RPS6KA6: variants seen among roughly 807,000 people sequenced by gnomAD.
The protein encoded by RPS6KA6 is ribosomal protein S6 kinase A6, also known as ribosomal protein S6 kinase alpha-6.
In RPS6KA6, 27 loss-of-function variants were observed where a neutral mutation model predicts 65.4. That is an observed-to-expected ratio of 0.41 (90% CI 0.30 to 0.57). The LOEUF is 0.57. Among genes scored for constraint, RPS6KA6 ranks in the 20% least tolerant of loss-of-function variants. RPS6KA6 has a pLI of 0.24. For missense variants in RPS6KA6, 486 were observed against 555.6 expected (o/e 0.87, Z 1.26); for synonymous variants, 190 against 184.2 (o/e 1.03, Z -0.26).
chrX:84,165,708 ATC>A (rs965627589), intron 1 of RPS6KA6, among the ~76,000 whole-genome samples: 6 of 111,213 alleles, frequency 5.4e-5, no homozygotes, highest in African/African-American at 1.3e-4. Context: ...TCAAGAGAAA[ATC>A]TCTCTCTCTG....
intron 3 of RPS6KA6, among the ~76,000 whole-genome samples, chrX:84,151,180 C>A (rs1355250908): frequency 7.4e-4 from 66 of 89,112 alleles, no homozygotes; most frequent in African/African-American, 2.1e-3. Context: ...ATATATATAG[C>A]TATATAGGAT....
At chrX:84,153,296 T>C (rs1271706912) in intron 3 of RPS6KA6, among the ~76,000 whole-genome samples, 1 of 111,861 alleles carries the variant, frequency 8.9e-6, no homozygotes, top group African/African-American at 3.2e-5. Flanking sequence ...AATGTATGTT[T>C]TATATAAATA....
chrX:84,180,529 AGTT>A (rs1225322771), intron 1 of RPS6KA6, among the ~76,000 whole-genome samples: 43 of 111,854 alleles, frequency 3.8e-4, no homozygotes, highest in Admixed American at 3.8e-4. Flanking sequence ...TCTTTATTAT[AGTT>A]ACATAGTAAA....
intron 20 of RPS6KA6, among the ~76,000 whole-genome samples, chrX:84,075,302 TAAA>T (rs1485621161): frequency 9.0e-6 from 1 of 111,207 alleles, no homozygotes; most frequent in Non-Finnish European, 1.9e-5. Context: ...TGTGAGATAA[TAAA>T]TAATGAAACT....
Position 84,145,530 on chromosome X carries a change from A to G in RPS6KA6, c.449T>C (p.Leu150Ser). The G allele has an allele frequency of 8.7e-7, 1 of 1,148,067 alleles. No homozygotes were observed. The allele number at this position is 1,148,067 out of a possible 1,213,427, so 94.6% of individuals were successfully genotyped here. A position where few individuals can be genotyped will look rare whatever the true frequency, so the allele number is the denominator to read the frequency against. Reference sequence around the variant, plus strand: ...TCCTCCCCTGAGAAAATCCAGTATTAAGTACAGTTTCCCTTCAGTCTGAAA... The same window carrying G: ...TCCTCCCCTGAGAAAATCCAGTATTGAGTACAGTTTCCCTTCAGTCTGAAA... ...YAFQTEGKLY[L>S]ILDFLRGGDV... Residue 150 changes from leucine (L) to serine (S), a missense_variant, in exon 6 of 22, where the codon TTA becomes TCA. Physicochemically the swap from Leu to Ser is moderately radical, Grantham distance 145. Transcript: ENST00000262752.
rs1402801647 is a variant in RPS6KA6, at chrX:84,058,988, A to T, written c.*5289T>A. On this transcript the variant is annotated 3_prime_UTR_variant, in exon 22 of 22. Transcript: ENST00000262752. Reference sequence around the variant, plus strand: ...GTTTTTTTTTTTTTTTATCAAACAGAAAAACCACCTTCTCCTTTTTTTTGT... The same window carrying T: ...GTTTTTTTTTTTTTTTATCAAACAGTAAAACCACCTTCTCCTTTTTTTTGT... The T allele has an allele frequency of 9.2e-6, 1 of 108,530 alleles. No individual in the cohort carries two copies. The highest frequency in any genetic ancestry group is 1.9e-5 in the Non-Finnish European group (1 of 52,316). The allele number at this position is 108,530 out of a possible 1,213,427, so 8.9% of individuals were successfully genotyped here.
chrX:84,135,961 A>T (rs774762720), intron 6 of RPS6KA6, among the ~76,000 whole-genome samples: 5 of 111,958 alleles, frequency 4.5e-5, no homozygotes, highest in Middle Eastern at 4.6e-3. Flanking sequence ...TCAGTTTCTA[A>T]ATCTGTGAAA....
chrX:84,093,037 G>A (rs1457272928), intron 20 of RPS6KA6, among the ~76,000 whole-genome samples: 3 of 112,208 alleles, frequency 2.7e-5, no homozygotes, highest in East Asian at 2.8e-4. Context: ...TTGTGGCAAC[G>A]TGGATTAACC....
chrX:84,071,355 C>T (rs923655038), intron 20 of RPS6KA6, among the ~76,000 whole-genome samples: 1 of 111,306 alleles, frequency 9.0e-6, no homozygotes, highest in African/African-American at 3.3e-5. Context: ...CTGTTTCCAC[C>T]CGCCAAAATG....
At chrX:84,140,386 A>C (rs147965039) in intron 6 of RPS6KA6, among the ~76,000 whole-genome samples, 6,733 of 110,705 alleles carry the variant, frequency 0.061, 226 homozygotes, top group East Asian at 0.2. Flanking sequence ...CAGAAATACA[A>C]AAATGTTCAT....
chrX:84,187,918 C>CAT lies in RPS6KA6; in HGVS notation c.-20_-19insAT. On this transcript the variant is annotated 5_prime_UTR_variant, in exon 1 of 22. In the 5' UTR this introduces an upstream ATG that the reference lacks. Transcript: ENST00000262752. ...GTAGCATCTCCCCTTCAGGAGCACT[C>CAT]AAACAGGAGCTGCCGCCTACCGCTG... The CAT allele has an allele frequency of 1.7e-6, 2 of 1,164,841 alleles. No homozygotes were observed. Among genetic ancestry groups the CAT allele is most frequent in the Non-Finnish European group, 2.3e-6 (2 of 865,530 alleles).
At chrX:84,188,475 G>A (rs2035962623), upstream of RPS6KA6, among the ~76,000 whole-genome samples, 1 of 111,352 alleles carries the variant, frequency 9.0e-6, no homozygotes, top group African/African-American at 3.3e-5. Flanking sequence ...GCCCCTGCTA[G>A]CGCCTCGGTA....
intron 1 of RPS6KA6, among the ~76,000 whole-genome samples, chrX:84,179,828 G>A: frequency 9.0e-6 from 1 of 111,658 alleles, no homozygotes. Context: ...ATCAACATAT[G>A]GTTTTCTGCA....
chrX:84,148,231 T>G, intron 3 of RPS6KA6, 108 bp from the exon 4 acceptor site: 1 of 451,196 alleles, frequency 2.2e-6, no homozygotes, highest in East Asian at 3.9e-5. Context: ...TTCTCTAATT[T>G]TATAAACATA....
chrX:84,181,171 G>A (rs1353618381), intron 1 of RPS6KA6, among the ~76,000 whole-genome samples: 1 of 111,576 alleles, frequency 9.0e-6, no homozygotes, highest in Non-Finnish European at 1.9e-5. Context: ...TTACAGGAGA[G>A]GCAGAGGGAT....
intron 1 of RPS6KA6, among the ~76,000 whole-genome samples, chrX:84,178,605 A>G (rs1188900536): frequency 8.9e-6 from 1 of 111,758 alleles, no homozygotes; most frequent in African/African-American, 3.2e-5. Context: ...GGACTAATTC[A>G]TTAAAATTAT....
At chrX:84,106,219 A>T (rs981612583) in intron 15 of RPS6KA6, 146 bp downstream of exon 15, 2 of 547,705 alleles carry the variant, frequency 3.7e-6, no homozygotes, top group Non-Finnish European at 5.7e-6. Flanking sequence ...AAGAAATTCA[A>T]AAATGAAAAT....
chrX:84,104,778 A>G, intron 16 of RPS6KA6, 121 bp from the exon 17 acceptor site: 1 of 448,165 alleles, frequency 2.2e-6, no homozygotes, highest in Non-Finnish European at 3.5e-6. Context: ...GAAACAAAAA[A>G]GACATTATTC....
intron 8 of RPS6KA6, among the ~76,000 whole-genome samples, chrX:84,125,565 G>A (rs776190858): frequency 9.0e-6 from 1 of 111,466 alleles, no homozygotes; most frequent in East Asian, 2.8e-4. Context: ...AAAAAATAAA[G>A]AGAAAAAGGC....
Sources: gnomAD v4.1 joint callset for allele counts (sites outside exome capture counted in the v4.1 genomes callset) on GRCh38, gnomAD v4.1.1 for gene constraint, MANE v1.5 for transcripts, NCBI Gene and HGNC (gene_info 2026-07-23, HGNC 2026-07-21) for gene names.